Variants in DPP6 observed in about 807,000 individuals in gnomAD.
DPP6 encodes dipeptidyl peptidase like 6.
Under a neutral mutation model 122.6 loss-of-function variants are expected in DPP6, and 69 were observed. The ratio of observed to expected loss-of-function variants is 0.56; its 90% CI spans 0.46 to 0.69. The LOEUF is 0.69. DPP6 is among the 30% of genes least tolerant of loss of function. DPP6 has a pLI of 0.00. For synonymous variants in DPP6, 418 were observed against 433.1 expected, an observed-to-expected ratio of 0.97 and a Z score of 0.43; for missense variants, 928 against 1,116.9, an observed-to-expected ratio of 0.83 and a Z score of 2.41.
At chr7:154,518,080 C>G (rs992737947) in intron 3 of DPP6, among the ~76,000 whole-genome samples, 68 of 152,190 alleles carry the variant, frequency 4.5e-4, no homozygotes, top group African/African-American at 1.5e-3. Flanking sequence ...AATGCTCCTT[C>G]ACTCGTAAAA....
At chr7:154,372,780 G>T (rs183473599) in intron 1 of DPP6, among the ~76,000 whole-genome samples, 2 of 152,334 alleles carry the variant, frequency 1.3e-5, no homozygotes, top group Non-Finnish European at 1.5e-5. Flanking sequence ...GCTCTGTGAG[G>T]CACGTCCAGG....
chr7:154,407,780 A>C (rs2151199492), intron 1 of DPP6, among the ~76,000 whole-genome samples: 1 of 152,306 alleles, frequency 6.6e-6, no homozygotes, highest in Non-Finnish European at 1.5e-5. Flanking sequence ...GGTTCTCAGC[A>C]CTTCCTAATA....
the DPP6 span, among the ~76,000 whole-genome samples, chr7:153,766,307 T>C: frequency 6.6e-6 from 1 of 152,182 alleles, no homozygotes; most frequent in Non-Finnish European, 1.5e-5. Context: ...TATGTGGCCA[T>C]TAACAAGCTT....
At chr7:154,623,654 C>CACCCATGCGCGT (rs1563025920) in intron 5 of DPP6, among the ~76,000 whole-genome samples, 1 of 137,084 alleles carries the variant, frequency 7.3e-6, no homozygotes, top group Non-Finnish European at 1.5e-5. Flanking sequence ...CGCACACACG[C>CACCCATGCGCGT]GCACACACAC....
the DPP6 span, among the ~76,000 whole-genome samples, chr7:153,784,728 C>CA: frequency 6.6e-6 from 1 of 152,006 alleles, no homozygotes; most frequent in Admixed American, 6.6e-5. Context: ...TATTAATAGA[C>CA]CTCCCAAAAA....
chr7:154,165,130 A>G (rs1008763475), intron 1 of DPP6, among the ~76,000 whole-genome samples: 2 of 147,442 alleles, frequency 1.4e-5, no homozygotes, highest in Admixed American at 6.7e-5. Context: ...AGCATTAGGT[A>G]TATCTCCCAA....
chr7:154,103,905 T>A (rs919484937), intron 1 of DPP6, among the ~76,000 whole-genome samples: 5 of 152,174 alleles, frequency 3.3e-5, no homozygotes, highest in Non-Finnish European at 5.9e-5. Flanking sequence ...GAAGGCTGCA[T>A]TGTCGGCTTC....
intron 1 of DPP6, among the ~76,000 whole-genome samples, chr7:154,148,867 A>G (rs1169929254): frequency 6.6e-6 from 1 of 152,166 alleles, no homozygotes; most frequent in Non-Finnish European, 1.5e-5. Context: ...TGCAGCCACC[A>G]TGTGGGTCAA....
In DPP6 at chr7:154,044,407, G is replaced by A. The variant is rs150825251; in HGVS notation, c.51+156673G>A. Among the ~76,000 whole-genome samples the A allele has an allele frequency of 3.5e-3, 540 of 152,266 alleles. 5 individuals carry two copies. The highest frequency in any genetic ancestry group is 0.014 in the Middle Eastern group (4 of 294). On this transcript the variant is annotated intron_variant, in intron 1 of 25. Transcript: ENST00000404039. ...CCTAATGCAATTTGTTTTCATTAATGAGAACCCACATGTATGCATGAATCA... is the reference window on the plus strand; with the variant it reads ...CCTAATGCAATTTGTTTTCATTAATAAGAACCCACATGTATGCATGAATCA...
At chr7:153,803,113 A>G in the DPP6 span, among the ~76,000 whole-genome samples, 1 of 151,530 alleles carries the variant, frequency 6.6e-6, no homozygotes, top group Admixed American at 6.6e-5. Flanking sequence ...GCGTGCCCGC[A>G]TCTCTCCCCT....
At chr7:154,430,415 C>G (rs74596429) in intron 1 of DPP6, among the ~76,000 whole-genome samples, 1,597 of 152,288 alleles carry the variant, frequency 0.01, 33 homozygotes, top group African/African-American at 0.034. Flanking sequence ...AGTCAGTGTG[C>G]TGGCGTGGTC....
intron 1 of DPP6, among the ~76,000 whole-genome samples, chr7:154,029,116 T>C (rs2129054217): frequency 6.7e-6 from 1 of 149,150 alleles, no homozygotes; most frequent in Middle Eastern, 3.4e-3. Context: ...GCCACATACT[T>C]GTTTTCTCCC....
At position 154,716,693 on chromosome 7, in the gene DPP6, A is replaced by ATT. The variant is rs112122659; in HGVS notation, c.763-11065_763-11064dup. Reference sequence around the variant, plus strand: ...CATAGAATTTACTCAAAAAGAGAGCATTTTTTTTTTCTCCTGAATGGTTTT... The same window carrying ATT: ...CATAGAATTTACTCAAAAAGAGAGCATTTTTTTTTTTTCTCCTGAATGGTTTT... On this transcript the variant is annotated intron_variant, in intron 7 of 25. Transcript: ENST00000377770. Among the ~76,000 whole-genome samples, 474 of 149,076 alleles carry ATT rather than the reference A, an allele frequency of 3.2e-3. 2 individuals are homozygous for ATT. The highest frequency in any genetic ancestry group is 0.011 in the African/African-American group (439 of 40,010).
At chr7:154,060,713 G>A (rs867507272) in intron 1 of DPP6, among the ~76,000 whole-genome samples, 260 of 103,102 alleles carry the variant, frequency 2.5e-3, no homozygotes, top group Middle Eastern at 0.014. Flanking sequence ...TACCCCCATC[G>A]CAGGGGGGGA....
At chr7:154,233,110 T>C (rs1033057718) in intron 1 of DPP6, among the ~76,000 whole-genome samples, 2 of 152,194 alleles carry the variant, frequency 1.3e-5, no homozygotes, top group African/African-American at 4.8e-5. Flanking sequence ...ACTGTGTAGA[T>C]AGTAAGTCTT....
At chr7:153,896,647 T>G (rs1399069028) in intron 1 of DPP6, among the ~76,000 whole-genome samples, 5 of 152,066 alleles carry the variant, frequency 3.3e-5, no homozygotes, top group African/African-American at 1.2e-4. Context: ...CAAAAAAATT[T>G]TTAAAAATAA....
the DPP6 span, among the ~76,000 whole-genome samples, chr7:153,869,540 G>A: frequency 6.6e-6 from 1 of 152,142 alleles, no homozygotes; most frequent in African/African-American, 2.4e-5. Flanking sequence ...TGGAGCCTAT[G>A]TGTGTCTCTG....
At chr7:154,286,891 C>A (rs1250604036) in intron 1 of DPP6, among the ~76,000 whole-genome samples, 1 of 151,976 alleles carries the variant, frequency 6.6e-6, no homozygotes, top group Non-Finnish European at 1.5e-5. Flanking sequence ...TTGCGACCTC[C>A]ACCTCCTGGG....
chr7:153,789,175 G>A, the DPP6 span, among the ~76,000 whole-genome samples: 2 of 152,098 alleles, frequency 1.3e-5, no homozygotes, highest in African/African-American at 4.8e-5. Context: ...TGGTGATAAG[G>A]CATTGTGTCC....
Sources: gnomAD v4.1 joint callset for allele counts (sites outside exome capture counted in the v4.1 genomes callset) on GRCh38, gnomAD v4.1.1 for gene constraint, MANE v1.5 for transcripts, NCBI Gene and HGNC (gene_info 2026-07-23, HGNC 2026-07-21) for gene names.